Variants in GAPVD1 observed in about 807,000 individuals in gnomAD.
GAPVD1 encodes the protein GTPase-activating protein and VPS9 domain-containing protein 1.
A neutral mutation model predicts 155.5 loss-of-function variants in GAPVD1; 35 were observed. That is an observed-to-expected ratio of 0.23 (90% CI 0.17 to 0.30). The LOEUF is 0.30. Among genes scored for constraint, GAPVD1 ranks in the 10% least tolerant of loss-of-function variants. GAPVD1 has a pLI of 1.00. For missense variants in GAPVD1, 1,429 were observed against 1,775.7 expected, an observed-to-expected ratio of 0.80 and a Z score of 3.51; for synonymous variants, 636 against 619.7, an observed-to-expected ratio of 1.03 and a Z score of -0.39.
chr9:125,356,079 C>G (rs1850038982), intron 25 of GAPVD1, among the ~76,000 whole-genome samples: 1 of 152,200 alleles, frequency 6.6e-6, no homozygotes. Flanking sequence ...GGTATAGCCT[C>G]TTTGGAAAGC....
intron 2 of GAPVD1, among the ~76,000 whole-genome samples, chr9:125,282,939 A>T (rs1212641539): frequency 1.3e-5 from 2 of 152,134 alleles, no homozygotes; most frequent in Non-Finnish European, 2.9e-5. Context: ...TGACTTTCTA[A>T]CAACATTATT....
At chr9:125,326,259 T>C (rs1379727193) in intron 11 of GAPVD1, among the ~76,000 whole-genome samples, 157 bp from the exon 12 acceptor site, 2 of 152,256 alleles carry the variant, frequency 1.3e-5, no homozygotes, top group East Asian at 3.8e-4. Context: ...GGCTCACGCC[T>C]GTAATCCCAG....
chr9:125,294,895 C>T (rs560178241), intron 2 of GAPVD1, among the ~76,000 whole-genome samples: 16 of 151,938 alleles, frequency 1.1e-4, no homozygotes, highest in African/African-American at 3.9e-4. Context: ...CAATAGGTAA[C>T]AGGAACTTTA....
chr9:125,311,823 G>T (rs1842726883), intron 8 of GAPVD1, among the ~76,000 whole-genome samples: 1 of 151,534 alleles, frequency 6.6e-6, no homozygotes, highest in Admixed American at 6.6e-5. Flanking sequence ...TGGTTCAAGT[G>T]ATTCTCCTGT....
chr9:125,268,893 T>C (rs1834428889), intron 1 of GAPVD1, 43 bp from the exon 2 acceptor site: 2 of 152,074 alleles, frequency 1.3e-5, no homozygotes, highest in South Asian at 4.1e-4. Context: ...TGATAAGACA[T>C]TCAGTTTATT....
chr9:125,323,696 A>G, intron 10 of GAPVD1, 102 bp from the exon 11 acceptor site: 1 of 1,136,390 alleles, frequency 8.8e-7, no homozygotes, highest in Non-Finnish European at 1.3e-6. Context: ...AAGTATTAAA[A>G]ACACTTTAAT....
intron 17 of GAPVD1, among the ~76,000 whole-genome samples, chr9:125,338,783 A>G (rs1185270859): frequency 6.6e-6 from 1 of 152,192 alleles, no homozygotes; most frequent in African/African-American, 2.4e-5. Flanking sequence ...TTGCCACTGT[A>G]AAGTTACTCT....
At chr9:125,347,030 ATAGC>A in intron 20 of GAPVD1, 89 bp downstream of exon 20, 1 of 1,313,586 alleles carries the variant, frequency 7.6e-7, no homozygotes, top group South Asian at 1.3e-5. Context: ...AAAAGAAAGA[ATAGC>A]TAAGGGAGTC....
chr9:125,301,579 G>C (rs907562995), intron 4 of GAPVD1, among the ~76,000 whole-genome samples: 2 of 151,758 alleles, frequency 1.3e-5, no homozygotes, highest in African/African-American at 4.8e-5. Context: ...TTTCCAAGTA[G>C]CTGGGATTAT....
At chr9:125,330,045 T>C (rs1335639547) in intron 12 of GAPVD1, 33 bp from the exon 13 acceptor site, 1 of 1,555,682 alleles carries the variant, frequency 6.4e-7, no homozygotes, top group East Asian at 2.3e-5. Context: ...TCCAGGATCT[T>C]TGTTAACCCT....
chr9:125,312,110 A>G (rs1310336283), intron 8 of GAPVD1, among the ~76,000 whole-genome samples: 2 of 152,220 alleles, frequency 1.3e-5, no homozygotes, highest in East Asian at 1.9e-4. Flanking sequence ...TCTTAAAAAG[A>G]TAAGAAATGA....
intron 9 of GAPVD1, among the ~76,000 whole-genome samples, chr9:125,314,702 C>T (rs4991998): frequency 6.6e-6 from 1 of 151,488 alleles, no homozygotes; most frequent in African/African-American, 2.4e-5. Flanking sequence ...AACAAAAAGA[C>T]AAGAAGAAGA....
At chr9:125,335,473 C>T (rs184231569) in intron 15 of GAPVD1, among the ~76,000 whole-genome samples, 24 of 151,732 alleles carry the variant, frequency 1.6e-4, no homozygotes, top group African/African-American at 5.6e-4. Context: ...GTCAGGAGAT[C>T]GAGACCATCC....
At chr9:125,293,873 T>TATATAA (rs1839281738) in intron 2 of GAPVD1, among the ~76,000 whole-genome samples, 3 of 14,332 alleles carry the variant, frequency 2.1e-4, no homozygotes, top group African/African-American at 1.7e-3. Context: ...TATATATATA[T>TATATAA]ATATATATAT....
intron 2 of GAPVD1, among the ~76,000 whole-genome samples, chr9:125,282,251 C>T (rs975927605): frequency 1.3e-5 from 2 of 152,130 alleles, no homozygotes; most frequent in South Asian, 2.1e-4. Context: ...TGCACTCCAG[C>T]CTGGCAACAG....
At chr9:125,341,391 G>T in intron 18 of GAPVD1, 127 bp downstream of exon 18, 1 of 597,258 alleles carries the variant, frequency 1.7e-6, no homozygotes, top group Non-Finnish European at 3.0e-6. Context: ...GCTACTTTGA[G>T]GGTGTAGAAA....
At chr9:125,359,709 C>T (rs934217415) in intron 26 of GAPVD1, 1 of 495,222 alleles carries the variant, frequency 2.0e-6, no homozygotes, top group Non-Finnish European at 3.6e-6. Flanking sequence ...GTGAGGAGCC[C>T]TTCCTTGATG....
chr9:125,330,768 T>C (rs1845953323), intron 13 of GAPVD1, among the ~76,000 whole-genome samples: 1 of 152,214 alleles, frequency 6.6e-6, no homozygotes, highest in Non-Finnish European at 1.5e-5. Flanking sequence ...TGTTGAGTTA[T>C]TTTGAAAGCA....
intron 13 of GAPVD1, among the ~76,000 whole-genome samples, chr9:125,331,647 C>A (rs1846099042): frequency 1.3e-5 from 2 of 152,214 alleles, no homozygotes; most frequent in Admixed American, 6.5e-5. Context: ...TCCATACTCT[C>A]TTGTCCAGTT....
Sources: allele counts gnomAD v4.1 joint callset (sites outside exome capture counted in the v4.1 genomes callset), GRCh38; gene constraint gnomAD v4.1.1; transcripts MANE v1.5; gene names NCBI Gene and HGNC (gene_info 2026-07-23, HGNC 2026-07-21).